Variants in FRMD6 observed in about 807,000 individuals in gnomAD.
FRMD6 encodes FERM domain containing 6, also known as FERM domain-containing protein 6.
In FRMD6, 37 loss-of-function variants were observed where a neutral mutation model predicts 73.2. That is an observed-to-expected ratio of 0.51 (90% CI 0.39 to 0.66). The LOEUF (loss-of-function observed/expected upper bound fraction) is 0.66. Among genes scored for constraint, FRMD6 ranks in the 30% least tolerant of loss-of-function variants. The pLI is 0.00. For synonymous variants in FRMD6, 273 were observed against 282.2 expected, an observed-to-expected ratio of 0.97 and a Z score of 0.33; for missense variants, 714 against 780.5, an observed-to-expected ratio of 0.91 and a Z score of 1.02.
chr14:51,597,861 A>G (rs575270119), intron 2 of FRMD6, among the ~76,000 whole-genome samples: 157 of 152,302 alleles, frequency 1.0e-3, no homozygotes, highest in Middle Eastern at 0.01. Flanking sequence ...GGTGGAGTGC[A>G]GCGCCCAAGG....
At chr14:51,423,701 C>T in the FRMD6 span, among the ~76,000 whole-genome samples, 2 of 152,178 alleles carry the variant, frequency 1.3e-5, no homozygotes, top group South Asian at 2.1e-4. Flanking sequence ...TGAACCAGAG[C>T]GTGATTCTGA....
upstream of FRMD6, among the ~76,000 whole-genome samples, chr14:51,486,352 C>G (rs1445155799): frequency 6.6e-6 from 1 of 152,110 alleles, no homozygotes; most frequent in African/African-American, 2.4e-5. Flanking sequence ...GGATCACTTT[C>G]TTTGTGGGAG....
chr14:51,542,819 G>A lies in FRMD6; in HGVS notation c.-209-27529G>A, dbSNP rs149646046. On this transcript the variant is annotated intron_variant, in intron 1 of 14. Coordinates refer to the FRMD6 transcript ENST00000356218. Reference sequence around the variant, plus strand: ...AAAATTATAGCCATTCTGAGTGAGTGTGAAGTCGTATATGACTATAGTTTT... The same window carrying A: ...AAAATTATAGCCATTCTGAGTGAGTATGAAGTCGTATATGACTATAGTTTT... Among the ~76,000 whole-genome samples, 1,007 of 152,170 alleles carry A rather than the reference G, an allele frequency of 6.6e-3. 13 individuals carry two copies. The highest frequency in any genetic ancestry group is 0.022 in the African/African-American group (895 of 41,552).
intron 1 of FRMD6, among the ~76,000 whole-genome samples, chr14:51,658,917 A>G (rs1475834263): frequency 6.6e-6 from 1 of 152,252 alleles, no homozygotes; most frequent in East Asian, 1.9e-4. Flanking sequence ...TGTGGTATTT[A>G]TATATCCTAC....
At chr14:51,439,354 C>T in the FRMD6 span, among the ~76,000 whole-genome samples, 2 of 152,212 alleles carry the variant, frequency 1.3e-5, no homozygotes, top group African/African-American at 2.4e-5. Context: ...CATTTTTCCT[C>T]ACCTGGTGAA....
At chr14:51,430,476 C>T in the FRMD6 span, among the ~76,000 whole-genome samples, 2 of 151,982 alleles carry the variant, frequency 1.3e-5, no homozygotes, top group Admixed American at 6.6e-5. Context: ...AGTAGCTCCA[C>T]GCAAATTGGA....
At chr14:51,410,062 GCTAT>G in the FRMD6 span, among the ~76,000 whole-genome samples, 2 of 152,124 alleles carry the variant, frequency 1.3e-5, no homozygotes, top group Admixed American at 1.3e-4. Context: ...TTGTTATGTT[GCTAT>G]CTGTCTTATG....
chr14:51,575,866 T>C (rs1157273164), intron 2 of FRMD6: 1 of 152,218 alleles, frequency 6.6e-6, no homozygotes, highest in Non-Finnish European at 1.5e-5. Flanking sequence ...TATTCCCAAA[T>C]GGGACAAATG....
chr14:51,541,360 T>A (rs78385974), intron 1 of FRMD6, among the ~76,000 whole-genome samples: 5,541 of 152,220 alleles, frequency 0.036, 131 homozygotes, highest in Admixed American at 0.08. Context: ...TTGACTGAAG[T>A]ACTCATCTAG....
At chr14:51,525,848 G>A (rs1029225944) in intron 1 of FRMD6, among the ~76,000 whole-genome samples, 1 of 152,090 alleles carries the variant, frequency 6.6e-6, no homozygotes, top group Non-Finnish European at 1.5e-5. Flanking sequence ...ACTTGAGGGG[G>A]TCCACTGTGA....
At chr14:51,429,039 AAAG>A in the FRMD6 span, among the ~76,000 whole-genome samples, 1 of 73,126 alleles carries the variant, frequency 1.4e-5, no homozygotes, top group Non-Finnish European at 2.7e-5. Flanking sequence ...AGGGGAGAGA[AAAG>A]AAAAGGGAAG....
At chr14:51,459,776 A>G in the FRMD6 span, among the ~76,000 whole-genome samples, 122 of 149,212 alleles carry the variant, frequency 8.2e-4, no homozygotes, top group African/African-American at 2.8e-3. Context: ...GCAGTGAGCC[A>G]AGATCATGCC....
the FRMD6 span, among the ~76,000 whole-genome samples, chr14:51,441,048 T>C: frequency 6.6e-6 from 1 of 152,218 alleles, no homozygotes; most frequent in Non-Finnish European, 1.5e-5. Flanking sequence ...AAAAATATCT[T>C]CAGATATTGC....
At chr14:51,428,959 A>G in the FRMD6 span, among the ~76,000 whole-genome samples, 4 of 122,968 alleles carry the variant, frequency 3.3e-5, no homozygotes, top group Admixed American at 3.8e-4. Flanking sequence ...ACAGAGGGGG[A>G]GAGAGAGGGT....
chr14:51,543,566 T>C (rs570200857), intron 1 of FRMD6, among the ~76,000 whole-genome samples: 1 of 152,136 alleles, frequency 6.6e-6, no homozygotes, highest in South Asian at 2.1e-4. Flanking sequence ...CTTGATAATA[T>C]GCCAAGCACC....
the FRMD6 span, among the ~76,000 whole-genome samples, chr14:51,445,926 T>C: frequency 6.6e-6 from 1 of 152,246 alleles, no homozygotes; most frequent in African/African-American, 2.4e-5. Context: ...GTATTTTGCA[T>C]GTATTGTAGG....
intron 2 of FRMD6, among the ~76,000 whole-genome samples, chr14:51,624,065 C>T (rs891263379): frequency 2.6e-5 from 4 of 152,156 alleles, no homozygotes; most frequent in East Asian, 1.9e-4. Context: ...CACCAAATAC[C>T]GCATGTTCTC....
At chr14:51,722,230 G>T in intron 12 of FRMD6, 150 bp downstream of exon 12, 1 of 722,532 alleles carries the variant, frequency 1.4e-6, no homozygotes. Flanking sequence ...GTTGTAAACT[G>T]CAGGATCCTG....
At chr14:51,711,427 C>G in intron 7 of FRMD6, 104 bp from the exon 8 acceptor site, 1 of 673,182 alleles carries the variant, frequency 1.5e-6, no homozygotes. Context: ...AAAAACTTTT[C>G]AGTCCTGAAT....
Sources: gnomAD v4.1 joint callset for allele counts (sites outside exome capture counted in the v4.1 genomes callset) on GRCh38, gnomAD v4.1.1 for gene constraint, MANE v1.5 for transcripts, NCBI Gene and HGNC (gene_info 2026-07-23, HGNC 2026-07-21) for gene names.